CASK: variants seen among roughly 807,000 people sequenced by gnomAD.
The protein encoded by CASK is calcium/calmodulin dependent serine protein kinase.
Under a neutral mutation model 82.9 loss-of-function variants are expected in CASK, and 4 were observed. The observed-to-expected ratio is 0.05, with a 90% CI of 0.02 to 0.11. The LOEUF (loss-of-function observed/expected upper bound fraction) is 0.11. Ranked by LOEUF, CASK falls within the 10% of genes least tolerant of loss-of-function variation. CASK has a pLI of 1.00. For missense variants in CASK, 358 were observed against 720.9 expected, an observed-to-expected ratio of 0.50 and a Z score of 5.76; for synonymous variants, 259 against 253.5, an observed-to-expected ratio of 1.02 and a Z score of -0.20.
At chrX:41,777,002 A>G (rs1437245486) in intron 3 of CASK, among the ~76,000 whole-genome samples, 1 of 112,079 alleles carries the variant, frequency 8.9e-6, no homozygotes, top group African/African-American at 3.2e-5. Context: ...GCTGAAGAAC[A>G]ACGTGGAAGG....
intron 5 of CASK, among the ~76,000 whole-genome samples, chrX:41,692,014 C>T (rs1011188178): frequency 9.0e-6 from 1 of 110,854 alleles, no homozygotes; most frequent in African/African-American, 3.3e-5. Flanking sequence ...CAGCCTCAGT[C>T]TCCCAAAGTG....
chrX:41,787,913 T>C (rs1209900624), intron 2 of CASK, among the ~76,000 whole-genome samples: 3 of 110,783 alleles, frequency 2.7e-5, no homozygotes, highest in Non-Finnish European at 5.7e-5. Flanking sequence ...CTCAGCACTT[T>C]GGGAGGCCGA....
At position 41,739,760 on chromosome X, in the gene CASK, A is replaced by C. The variant is rs374959277; in HGVS notation, c.357-304T>G. The stretch of plus-strand genomic sequence containing the variant: ...TAAAAATTCAAGCTTAAAACATGAC[A>C]ATTTTTTTCCCCAATACTCAGGTAA... On this transcript the variant is annotated intron_variant, in intron 4 of 26. Transcript: ENST00000378163. Among the ~76,000 whole-genome samples, 33 of 112,466 alleles carry C rather than the reference A, an allele frequency of 2.9e-4. No individual in the cohort carries two copies. The East Asian group carries it at 8.6e-3, about 29-fold the overall frequency.
intron 11 of CASK, among the ~76,000 whole-genome samples, chrX:41,617,935 A>G (rs1205623891): frequency 8.9e-6 from 1 of 112,449 alleles, no homozygotes; most frequent in Non-Finnish European, 1.9e-5. Flanking sequence ...AACTATCTTG[A>G]AAACAAAATC....
chrX:41,691,607 C>T (rs1167901336), intron 5 of CASK, among the ~76,000 whole-genome samples: 2 of 109,789 alleles, frequency 1.8e-5, no homozygotes, highest in African/African-American at 3.3e-5. Context: ...GCCTGTAACC[C>T]CAGCACTTTA....
intron 3 of CASK, among the ~76,000 whole-genome samples, chrX:41,752,314 A>G (rs1459183326): frequency 4.6e-5 from 5 of 108,431 alleles, no homozygotes; most frequent in Admixed American, 2.0e-4. Context: ...TTTCCAAGAC[A>G]GGGTCTTGCT....
intron 12 of CASK, among the ~76,000 whole-genome samples, chrX:41,601,224 G>A (rs894638049): frequency 6.3e-5 from 7 of 111,261 alleles, no homozygotes; most frequent in Non-Finnish European, 9.4e-5. Flanking sequence ...TCATTGAACT[G>A]TACACTTAAA....
At position 41,678,369 on chromosome X, in the gene CASK, C is replaced by T. The variant is rs1038418496; in HGVS notation, c.430-6839G>A. Reference sequence around the variant, plus strand: ...TACTAGGTAATTTTTCCTGTGAAATCCCCCACAATCTGTACTTGACTAATG... The same window carrying T: ...TACTAGGTAATTTTTCCTGTGAAATTCCCCACAATCTGTACTTGACTAATG... On this transcript the variant is annotated intron_variant, in intron 5 of 26. Coordinates refer to ENST00000378163, the MANE Select transcript of CASK (RefSeq NM_001367721.1). Among the ~76,000 whole-genome samples the T allele has an allele frequency of 1.7e-4, 15 of 89,855 alleles. No homozygotes were observed. The South Asian group carries it at 6.7e-3, about 40-fold the overall frequency. 78.0% of individuals were successfully genotyped at this position (89,855 alleles called of 115,157 possible).
intron 8 of CASK, among the ~76,000 whole-genome samples, chrX:41,654,630 G>A (rs770516882): frequency 1.4e-4 from 16 of 111,116 alleles, no homozygotes; most frequent in Non-Finnish European, 2.8e-4. Flanking sequence ...CTGAGATTGC[G>A]CCACTGCACT....
chrX:41,624,820 T>C (rs983457972), intron 10 of CASK, among the ~76,000 whole-genome samples: 2 of 111,570 alleles, frequency 1.8e-5, no homozygotes, highest in African/African-American at 6.5e-5. Context: ...ATTCTTCCTA[T>C]ATTACTAACT....
intron 5 of CASK, among the ~76,000 whole-genome samples, chrX:41,681,613 C>T (rs1255118655): frequency 9.0e-6 from 1 of 111,130 alleles, no homozygotes; most frequent in Admixed American, 9.6e-5. Context: ...TAGTGCAATA[C>T]CTTAAACCAT....
chrX:41,533,111 A>G (rs2064828459), intron 24 of CASK, among the ~76,000 whole-genome samples: 1 of 111,885 alleles, frequency 8.9e-6, no homozygotes, highest in Admixed American at 9.5e-5. Flanking sequence ...GCGCCCAGCC[A>G]AGAACTTACA....
chrX:41,820,292 C>T (rs1191423647), intron 2 of CASK, among the ~76,000 whole-genome samples: 1 of 110,004 alleles, frequency 9.1e-6, no homozygotes, highest in South Asian at 3.8e-4. Context: ...TTTTTTTAAG[C>T]CACTAGAATA....
At chrX:41,684,106 C>T (rs1194033343) in intron 5 of CASK, among the ~76,000 whole-genome samples, 1 of 112,078 alleles carries the variant, frequency 8.9e-6, no homozygotes, top group Non-Finnish European at 1.9e-5. Flanking sequence ...GTAACTGATT[C>T]AGGTAAGAAT....
At chrX:41,667,399 A>G (rs2067134382) in intron 6 of CASK, among the ~76,000 whole-genome samples, 1 of 111,793 alleles carries the variant, frequency 8.9e-6, no homozygotes, top group Non-Finnish European at 1.9e-5. Context: ...TTTGACCACA[A>G]AATTTTAAGA....
intron 15 of CASK, 78 bp from the exon 16 acceptor site, chrX:41,569,824 G>A (rs181398750): frequency 7.3e-4 from 434 of 590,837 alleles, no homozygotes; most frequent in Middle Eastern, 2.5e-3. Context: ...GTGATTTTGC[G>A]GTAGATAATT....
intron 1 of CASK, among the ~76,000 whole-genome samples, chrX:41,903,744 C>T (rs1249062623): frequency 9.0e-6 from 1 of 111,651 alleles, no homozygotes; most frequent in Non-Finnish European, 1.9e-5. Flanking sequence ...TGCTGTCTAA[C>T]AGAACTTTCT....
chrX:41,698,322 C>T (rs1398415297), intron 5 of CASK, among the ~76,000 whole-genome samples: 2 of 111,263 alleles, frequency 1.8e-5, no homozygotes, highest in East Asian at 5.6e-4. Flanking sequence ...ACAATAAAAA[C>T]CTGCAAATTA....
At chrX:41,703,678 G>A (rs1037128426) in intron 5 of CASK, among the ~76,000 whole-genome samples, 5 of 112,404 alleles carry the variant, frequency 4.4e-5, no homozygotes, top group African/African-American at 1.6e-4. Context: ...TATACCCAAT[G>A]CCCATGTGTG....
Sources: gnomAD v4.1 joint callset for allele counts (sites outside exome capture counted in the v4.1 genomes callset) on GRCh38, gnomAD v4.1.1 for gene constraint, MANE v1.5 for transcripts, NCBI Gene and HGNC (gene_info 2026-07-23, HGNC 2026-07-21) for gene names.